The following ARHGEF28 variants were observed in gnomAD, a reference collection of about 807,000 sequenced individuals.
ARHGEF28 encodes Rho guanine nucleotide exchange factor 28, also known as 190 kDa guanine nucleotide exchange factor.
Under a neutral mutation model 206.6 loss-of-function variants are expected in ARHGEF28, and 152 were observed. The observed-to-expected ratio is 0.74, with a 90% CI of 0.64 to 0.84. ARHGEF28 has a LOEUF of 0.84. Ranked by LOEUF, ARHGEF28 falls within the 40% of genes least tolerant of loss-of-function variation. ARHGEF28 has a pLI of 0.00. For synonymous variants in ARHGEF28, 763 were observed against 776.4 expected (o/e 0.98, Z 0.29); for missense variants, 2,028 against 2,073.2 (o/e 0.98, Z 0.42).
intron 22 of ARHGEF28, among the ~76,000 whole-genome samples, chr5:73,879,744 T>G (rs1247805599): frequency 1.3e-5 from 2 of 152,182 alleles, no homozygotes; most frequent in African/African-American, 4.8e-5. Context: ...AATGTGGATT[T>G]TTGTGAACCG....
At chr5:73,649,801 C>T (rs1375080725) in intron 1 of ARHGEF28, among the ~76,000 whole-genome samples, 1 of 152,024 alleles carries the variant, frequency 6.6e-6, no homozygotes, top group African/African-American at 2.4e-5. Flanking sequence ...CTCCATTGCC[C>T]AAGTAGCCAG....
intron 9 of ARHGEF28, among the ~76,000 whole-genome samples, chr5:73,811,292 C>T (rs1393870676): frequency 6.6e-6 from 1 of 152,120 alleles, no homozygotes; most frequent in Non-Finnish European, 1.5e-5. Flanking sequence ...GTTTTCTCTA[C>T]CCAGAAGTAC....
At chr5:73,869,887 G>A (rs1468074080) in intron 20 of ARHGEF28, among the ~76,000 whole-genome samples, 182 bp from the exon 21 acceptor site, 3 of 150,780 alleles carry the variant, frequency 2.0e-5, no homozygotes, top group Non-Finnish European at 3.0e-5. Flanking sequence ...CAGCCTGGGC[G>A]ACAGAGAGAA....
At chr5:73,936,326 T>C (rs1405327203) in intron 35 of ARHGEF28, among the ~76,000 whole-genome samples, 1 of 152,238 alleles carries the variant, frequency 6.6e-6, no homozygotes, top group African/African-American at 2.4e-5. Context: ...GTGGGCTCAC[T>C]TCAAATATAT....
chr5:73,780,866 G>A (rs1348652303), intron 7 of ARHGEF28, 121 bp downstream of exon 7: 6 of 1,056,010 alleles, frequency 5.7e-6, no homozygotes, highest in African/African-American at 1.6e-5. Context: ...GGCAAGATCA[G>A]GGGTGTGGGA....
At chr5:73,911,205 G>T in intron 34 of ARHGEF28, 70 bp from the exon 35 acceptor site, 1 of 1,377,526 alleles carries the variant, frequency 7.3e-7, no homozygotes, top group Non-Finnish European at 9.8e-7. Flanking sequence ...ATTCTCTCAG[G>T]AATAAATACT....
chr5:73,924,769 A>G (rs115700616), intron 35 of ARHGEF28, among the ~76,000 whole-genome samples: 2,654 of 152,288 alleles, frequency 0.017, 35 homozygotes, highest in South Asian at 0.032. Flanking sequence ...AACTTTTCCC[A>G]AACTTCTACT....
intron 1 of ARHGEF28, among the ~76,000 whole-genome samples, chr5:73,650,859 G>A (rs906504917): frequency 3.3e-5 from 5 of 152,106 alleles, no homozygotes; most frequent in Admixed American, 6.5e-5. Context: ...CATGTTGTCA[G>A]GCTGGTCTTG....
chr5:73,692,252 A>T (rs189038814), intron 2 of ARHGEF28, among the ~76,000 whole-genome samples: 25 of 152,184 alleles, frequency 1.6e-4, no homozygotes, highest in Non-Finnish European at 2.9e-4. Context: ...TTTTTTTAAC[A>T]TCTGCAGAGG....
At chr5:73,838,218 T>C (rs1156706844) in intron 10 of ARHGEF28, among the ~76,000 whole-genome samples, 1 of 151,866 alleles carries the variant, frequency 6.6e-6, no homozygotes, top group Non-Finnish European at 1.5e-5. Flanking sequence ...TAAAACTAAA[T>C]CTGCAACAAA....
intron 4 of ARHGEF28, among the ~76,000 whole-genome samples, chr5:73,766,165 A>AC (rs1752888382): frequency 6.7e-6 from 1 of 150,146 alleles, no homozygotes; most frequent in Non-Finnish European, 1.5e-5. Flanking sequence ...AAAAAAAAAA[A>AC]ACAAAAAACA....
intron 35 of ARHGEF28, among the ~76,000 whole-genome samples, chr5:73,926,015 A>G (rs981156567): frequency 2.0e-5 from 3 of 152,192 alleles, no homozygotes; most frequent in Admixed American, 6.5e-5. Flanking sequence ...GAAACTGTGC[A>G]ACAGCTTTAT....
At chr5:73,920,663 C>T (rs1363749277) in intron 35 of ARHGEF28, among the ~76,000 whole-genome samples, 1 of 148,596 alleles carries the variant, frequency 6.7e-6, no homozygotes, top group Non-Finnish European at 1.5e-5. Flanking sequence ...CATTCTCCTG[C>T]CTCAGCCGTC....
intron 1 of ARHGEF28, among the ~76,000 whole-genome samples, chr5:73,672,026 G>C (rs993027322): frequency 1.3e-5 from 2 of 151,780 alleles, no homozygotes; most frequent in African/African-American, 2.4e-5. Flanking sequence ...CAAAGAACTT[G>C]ATAATATATT....
At chr5:73,789,650 TGTTTA>T (rs1408962049) in intron 7 of ARHGEF28, among the ~76,000 whole-genome samples, 1 of 152,206 alleles carries the variant, frequency 6.6e-6, no homozygotes, top group African/African-American at 2.4e-5. Context: ...TTGATTTTTT[TGTTTA>T]GTTTTTTTTC....
rs1363762086 is a variant in ARHGEF28 at position 73,626,307 on chromosome 5, G to C, written c.-27G>C. ...GCCTCGCCTGGGTTCTGGAGGCTGC[G>C]GGGCCATCGCTCCAGGTAAATGCTC... On this transcript the variant is annotated 5_prime_UTR_variant, in exon 1 of 36. Coordinates refer to ENST00000513042, the MANE Select transcript of ARHGEF28 (RefSeq NM_001177693.2). 6.6e-6 allele frequency: 1 copy of C among 152,192 alleles called. No individual in the cohort carries two copies. 9.4% of individuals were successfully genotyped at this position (152,192 alleles called of 1,614,324 possible).
chr5:73,827,963 A>G (rs1561434940), intron 9 of ARHGEF28: 1 of 152,156 alleles, frequency 6.6e-6, no homozygotes, highest in Non-Finnish European at 1.5e-5. Context: ...ATAAAATCAT[A>G]TTTCTTGAAA....
intron 2 of ARHGEF28, among the ~76,000 whole-genome samples, chr5:73,748,705 G>A (rs1054104095): frequency 6.6e-6 from 1 of 152,104 alleles, no homozygotes; most frequent in Admixed American, 6.5e-5. Flanking sequence ...GCTTCTCCAC[G>A]CAGGGCCGAG....
At position 73,897,951 on chromosome 5, in the gene ARHGEF28, C is replaced by G; in HGVS notation, c.3842-11C>G. 1.3e-6 allele frequency: 2 copies of G among 1,555,810 alleles called. No individual in the cohort carries two copies. The highest frequency in any genetic ancestry group is 8.7e-7 in the Non-Finnish European group (1 of 1,148,864). ...GTTTTTTAGATTTATTTTTGTTTTT[C>G]TCCATCTTAGCTGAGAGCCTACAAG... On this transcript the variant is annotated splice_polypyrimidine_tract_variant and intron_variant, in intron 29 of 35. Transcript: ENST00000513042.
Sources: allele counts gnomAD v4.1 joint callset (sites outside exome capture counted in the v4.1 genomes callset), GRCh38; gene constraint gnomAD v4.1.1; transcripts MANE v1.5; gene names NCBI Gene and HGNC (gene_info 2026-07-23, HGNC 2026-07-21).